Variants in EVC observed in about 807,000 individuals in gnomAD.
EVC encodes evC complex member EVC.
A neutral mutation model predicts 118.9 loss-of-function variants in EVC; 116 were observed. That is an observed-to-expected ratio of 0.98 (90% CI 0.84 to 1.14). EVC has a LOEUF of 1.14. Ranked by LOEUF, EVC falls within the 50% of genes most tolerant of loss-of-function variation. The pLI is 0.00. For synonymous variants in EVC, 619 were observed against 534.7 expected, an observed-to-expected ratio of 1.16 and a Z score of -2.18; for missense variants, 1,401 against 1,246.4, an observed-to-expected ratio of 1.12 and a Z score of -1.87.
chr4:5,775,358 C>T (rs1402604367), intron 11 of EVC, among the ~76,000 whole-genome samples: 1 of 152,088 alleles, frequency 6.6e-6, no homozygotes. Context: ...AGCTGGGACC[C>T]CAGAACACCC....
chr4:5,721,771 G>A (rs1331053064), intron 2 of EVC, among the ~76,000 whole-genome samples: 1 of 152,148 alleles, frequency 6.6e-6, no homozygotes, highest in Non-Finnish European at 1.5e-5. Context: ...GGAGGCTGAG[G>A]CAGGAGAATT....
intron 1 of EVC, among the ~76,000 whole-genome samples, chr4:5,712,475 G>A (rs1240213024): frequency 6.6e-6 from 1 of 152,188 alleles, no homozygotes; most frequent in African/African-American, 2.4e-5. Flanking sequence ...GCATATAGCA[G>A]GCATTCCATG....
chr4:5,778,261 CA>C (rs1486049437), intron 11 of EVC, among the ~76,000 whole-genome samples: 1 of 151,762 alleles, frequency 6.6e-6, no homozygotes, highest in Non-Finnish European at 1.5e-5. Flanking sequence ...GGGTTGGTTC[CA>C]AGTCTTTGCT....
intron 11 of EVC, among the ~76,000 whole-genome samples, chr4:5,782,404 T>A (rs1735741634): frequency 6.9e-6 from 1 of 144,586 alleles, no homozygotes; most frequent in East Asian, 2.0e-4. Context: ...TTTTTTTTTT[T>A]TTTTTTTTTG....
the EVC span, chr4:5,828,672 C>T: frequency 1.7e-5 from 28 of 1,612,906 alleles, no homozygotes; most frequent in Admixed American, 1.5e-4. Context: ...CCACCGCCTG[C>T]ACCAACAGCC....
rs1219534747 is a variant in EVC, at chr4:5,789,233, G to T, written c.1777-4375G>T. 6.6e-6 allele frequency among the ~76,000 whole-genome samples: 1 copy of T among 152,026 alleles called. No homozygotes were observed. The highest frequency in any genetic ancestry group is 1.5e-5 in the Non-Finnish European group (1 of 68,032). On this transcript the variant is annotated intron_variant, in intron 12 of 20. Coordinates refer to ENST00000264956, the MANE Select transcript of EVC (RefSeq NM_153717.3). This position sits in a 1 kb window ranked among gnomAD's most constrained non-coding sequence, Gnocchi z 4.3. ...GCTTCTCATTTCACACAGCATGAAA[G>T]TCAGAGTCCTCGCCACACTCTGCAA...
intron 11 of EVC, among the ~76,000 whole-genome samples, chr4:5,777,208 A>G (rs1325535804): frequency 2.6e-5 from 4 of 152,190 alleles, no homozygotes; most frequent in Non-Finnish European, 5.9e-5. Flanking sequence ...CAGCACCTCT[A>G]GTGATCCAGG....
At position 5,811,528 on chromosome 4, in the gene EVC, C is replaced by A; in HGVS notation, c.*491C>A. ...ACTTCACCTGGGGAGGGGCTTCTTC[C>A]GGACAGTAGACACCCTGCCCGTGCA... On this transcript the variant is annotated 3_prime_UTR_variant, in exon 21 of 21. Coordinates refer to ENST00000264956, the MANE Select transcript of EVC (RefSeq NM_153717.3). 5.0e-6 allele frequency: 1 copy of A among 200,800 alleles called. No individual in the cohort carries two copies. The highest frequency in any genetic ancestry group is 9.1e-5 in the South Asian group (1 of 11,020). 12.4% of individuals were successfully genotyped at this position (200,800 alleles called of 1,614,324 possible).
intron 11 of EVC, among the ~76,000 whole-genome samples, chr4:5,762,664 AT>A (rs903364395): frequency 1.3e-5 from 2 of 148,876 alleles, no homozygotes; most frequent in Non-Finnish European, 3.0e-5. Flanking sequence ...GATGGTGAGC[AT>A]TTTTTCATGT....
chr4:5,825,035 A>C, the EVC span: 1 of 985,286 alleles, frequency 1.0e-6, no homozygotes, highest in Non-Finnish European at 1.2e-6. This position sits in a 1 kb window ranked among gnomAD's most constrained non-coding sequence, Gnocchi z 4.4. Context: ...TACTTTATGG[A>C]GTAGTGAGGA....
rs1184140448 is a variant in EVC, at chr4:5,742,949, A to G, written c.801+1135A>G. Among the ~76,000 whole-genome samples the G allele has an allele frequency of 6.6e-6, 1 of 152,238 alleles. No individual in the cohort carries two copies. Among genetic ancestry groups the G allele is most frequent in the Non-Finnish European group, 1.5e-5 (1 of 68,046 alleles). The stretch of plus-strand genomic sequence containing the variant: ...AGGCAGTGTGCCCAGAGTTGGTAAC[A>G]TATGGATGCTTGGCAACTGTATTTA... On this transcript the variant is annotated intron_variant, in intron 6 of 20. Transcript: ENST00000264956. The surrounding 1 kb of genome is among the most constrained non-coding windows in gnomAD (Gnocchi z 5.2).
At chr4:5,720,233 C>T (rs1013359098) in intron 2 of EVC, among the ~76,000 whole-genome samples, 2 of 152,146 alleles carry the variant, frequency 1.3e-5, no homozygotes, top group African/African-American at 4.8e-5. Flanking sequence ...TCACTCATGC[C>T]AGGCAGTTTT....
At chr4:5,735,388 A>G (rs1413755963) in intron 5 of EVC, among the ~76,000 whole-genome samples, 2 of 152,150 alleles carry the variant, frequency 1.3e-5, no homozygotes, top group Non-Finnish European at 1.5e-5. Flanking sequence ...GACAATTAGG[A>G]GCTGTGTGAC....
Position 5,797,202 on chromosome 4 carries a change from C to T in EVC, c.2067C>T (p.Asp689=), listed in dbSNP as rs768403488. Residue 689 remains aspartate (D), a synonymous_variant, in exon 14 of 21, where the codon GAC becomes GAT. Coordinates refer to ENST00000264956, the MANE Select transcript of EVC (RefSeq NM_153717.3). ...ALEQGSSQCL[D]EHQWQLLRAL... ...AGCAGGGGTCCTCCCAGTGCCTGGA[C>T]GAGCATCAGTGGCAGCTGCTCAGGG... 6 of 1,612,296 alleles carry T rather than the reference C, an allele frequency of 3.7e-6. No homozygotes were observed. The highest frequency in any genetic ancestry group is 1.3e-5 in the African/African-American group (1 of 75,046).
chr4:5,803,645 A>G (rs1206576331), intron 16 of EVC, among the ~76,000 whole-genome samples: 1 of 152,194 alleles, frequency 6.6e-6, no homozygotes, highest in Non-Finnish European at 1.5e-5. Context: ...GAAATGATAT[A>G]GCTTAAGCCA....
rs964873300 is a variant in EVC at position 5,755,284 on chromosome 4, C to T, written c.1465-980C>T. 3.9e-5 allele frequency among the ~76,000 whole-genome samples: 6 copies of T among 152,142 alleles called. No individual in the cohort carries two copies. Among genetic ancestry groups the T allele is most frequent in the Non-Finnish European group, 7.4e-5 (5 of 68,022 alleles). ...AGTGTGGAGACAGTGCCTGGGTGAC[C>T]TTGGTGTCCCAGGGCCTCGGTACAG... On this transcript the variant is annotated intron_variant, in intron 10 of 20. Transcript: ENST00000264956. The surrounding 1 kb of genome is among the most constrained non-coding windows in gnomAD (Gnocchi z 4.1).
rs140442793 is a variant in EVC at position 5,742,611 on chromosome 4, T to A, written c.801+797T>A. On this transcript the variant is annotated intron_variant, in intron 6 of 20. Coordinates refer to ENST00000264956, the MANE Select transcript of EVC (RefSeq NM_153717.3). This position sits in a 1 kb window ranked among gnomAD's most constrained non-coding sequence, Gnocchi z 5.2. ...ATCATCATCCTCATGACCGCTGTCATCACCAACACCATCACCATCCTCATG... is the reference window on the plus strand; with the variant it reads ...ATCATCATCCTCATGACCGCTGTCAACACCAACACCATCACCATCCTCATG... Among the ~76,000 whole-genome samples, 6 of 152,306 alleles carry A rather than the reference T, an allele frequency of 3.9e-5. No homozygotes were observed. In the East Asian group the frequency reaches 9.7e-4, roughly 25 times the overall value.
chr4:5,719,423 G>T lies in EVC; in HGVS notation c.300+50G>T. On this transcript the variant is annotated intron_variant, in intron 2 of 20. Transcript: ENST00000264956. This position sits in a 1 kb window ranked among gnomAD's most constrained non-coding sequence, Gnocchi z 4.7. ...TGTGGAGGCACATGTGGGAGGTGGG[G>T]TATTCCCCCTGGAAGCCGGGTGTCA... The T allele has an allele frequency of 6.2e-7, 1 of 1,613,052 alleles. No individual in the cohort carries two copies. Among genetic ancestry groups the T allele is most frequent in the Non-Finnish European group, 8.5e-7 (1 of 1,179,728 alleles).
intron 11 of EVC, among the ~76,000 whole-genome samples, chr4:5,767,654 C>A (rs994936649): frequency 6.6e-6 from 1 of 151,984 alleles, no homozygotes; most frequent in African/African-American, 2.4e-5. Flanking sequence ...GTGGGAGTGA[C>A]CCGATTTTCC....
Sources: gnomAD v4.1 joint callset for allele counts (sites outside exome capture counted in the v4.1 genomes callset) on GRCh38, gnomAD v4.1.1 for gene constraint, Gnocchi (gnomAD v3.1) non-coding constraint, MANE v1.5 for transcripts, NCBI Gene and HGNC (gene_info 2026-07-23, HGNC 2026-07-21) for gene names.